The following RFX4 variants were observed in gnomAD, a reference collection of about 807,000 sequenced individuals.
RFX4 encodes the protein transcription factor RFX4.
Under a neutral mutation model 95.0 loss-of-function variants are expected in RFX4, and 10 were observed. That is an observed-to-expected ratio of 0.11 (90% confidence interval 0.06 to 0.18). The LOEUF (loss-of-function observed/expected upper bound fraction) is 0.18. Ranked by LOEUF, RFX4 falls within the 10% of genes least tolerant of loss-of-function variation. The pLI is 1.00. For missense variants in RFX4, 640 were observed against 922.0 expected, an observed-to-expected ratio of 0.69 and a Z score of 3.96; for synonymous variants, 321 against 340.7, an observed-to-expected ratio of 0.94 and a Z score of 0.64.
chr12:106,676,973 G>A (rs1001468817), intron 4 of RFX4, among the ~76,000 whole-genome samples: 1 of 152,176 alleles, frequency 6.6e-6, no homozygotes, highest in Admixed American at 6.5e-5. Context: ...CATTCAAATC[G>A]CAGGTCTGCA....
chr12:106,680,066 G>T (rs1455098644), intron 4 of RFX4, among the ~76,000 whole-genome samples: 1 of 152,196 alleles, frequency 6.6e-6, no homozygotes, highest in East Asian at 1.9e-4. Context: ...AGAATTCAGA[G>T]AATTGTTGCA....
At chr12:106,739,381 T>A (rs747074899) in intron 15 of RFX4, among the ~76,000 whole-genome samples, 1 of 152,168 alleles carries the variant, frequency 6.6e-6, no homozygotes, top group Non-Finnish European at 1.5e-5. Flanking sequence ...TTCTCCATTT[T>A]TCAGCTGTGA....
At chr12:106,685,206 T>G (rs909487363) in intron 5 of RFX4, among the ~76,000 whole-genome samples, 22 of 149,648 alleles carry the variant, frequency 1.5e-4, no homozygotes, top group African/African-American at 5.2e-4. Context: ...ATTTTAATGG[T>G]TTTTTTTCTT....
intron 13 of RFX4, among the ~76,000 whole-genome samples, chr12:106,729,645 T>C (rs2042572897): frequency 6.6e-6 from 1 of 152,204 alleles, no homozygotes; most frequent in African/African-American, 2.4e-5. Flanking sequence ...TCTCACATGG[T>C]TGTGATGAGG....
At chr12:106,696,569 G>T (rs930381702) in intron 8 of RFX4, 123 bp downstream of exon 8, 1 of 936,746 alleles carries the variant, frequency 1.1e-6, no homozygotes, top group Non-Finnish European at 1.5e-6. Context: ...CATTAATATT[G>T]AACTTTTAAA....
intron 1 of RFX4, among the ~76,000 whole-genome samples, chr12:106,596,222 C>T (rs2039616645): frequency 6.6e-6 from 1 of 152,172 alleles, no homozygotes; most frequent in Non-Finnish European, 1.5e-5. Context: ...GCAGGTCTTT[C>T]CTGTGCTGTT....
chr12:106,676,320 T>G (rs1372309097), intron 4 of RFX4, among the ~76,000 whole-genome samples: 2 of 152,116 alleles, frequency 1.3e-5, no homozygotes, highest in Non-Finnish European at 2.9e-5. Context: ...CAGGGAATAG[T>G]GCAACACCAA....
At chr12:106,735,014 A>G (rs1186500152) in intron 15 of RFX4, among the ~76,000 whole-genome samples, 1 of 150,768 alleles carries the variant, frequency 6.6e-6, no homozygotes, top group Non-Finnish European at 1.5e-5. Flanking sequence ...TGATCAGACC[A>G]CTGCACTCCA....
Position 106,685,077 on chromosome 12 carries a change from GT to G in RFX4, c.378-1804del, listed in dbSNP as rs2137411286. Reference sequence around the variant, plus strand: ...AAAAGTAGTTAATATGTTGTGCGGTGTTTCTGAAAGCGAGGTCCACGGATGA... The same window carrying G: ...AAAAGTAGTTAATATGTTGTGCGGTGTTCTGAAAGCGAGGTCCACGGATGA... On this transcript the variant is annotated intron_variant, in intron 5 of 17. Coordinates refer to ENST00000392842, the MANE Select transcript of RFX4 (RefSeq NM_213594.3). Among the ~76,000 whole-genome samples the G allele has an allele frequency of 1.3e-5, 2 of 151,790 alleles. 1 individual carries two copies. Among genetic ancestry groups the G allele is most frequent in the South Asian group, 4.2e-4 (2 of 4,730 alleles).
intron 8 of RFX4, among the ~76,000 whole-genome samples, chr12:106,707,340 G>A (rs2042105474): frequency 6.6e-6 from 1 of 152,150 alleles, no homozygotes; most frequent in Non-Finnish European, 1.5e-5. Context: ...AATCTGCACA[G>A]ATGGGAATTT....
Position 106,662,465 on chromosome 12 carries a change from T to C in RFX4, c.315+8114T>C, listed in dbSNP as rs1163860073. 2.0e-5 allele frequency among the ~76,000 whole-genome samples: 3 copies of C among 152,198 alleles called. No homozygotes were observed. The East Asian group carries it at 5.8e-4, about 29-fold the overall frequency. On this transcript the variant is annotated intron_variant, in intron 4 of 17. Coordinates refer to ENST00000392842, the MANE Select transcript of RFX4 (RefSeq NM_213594.3). ...ATTTGTATCTTTTGAGCAACAATCC[T>C]TTATTAGATGTGTCTCTTGCAAATA...
Position 106,720,687 on chromosome 12 carries a change from T to G in RFX4, c.1234-72T>G. On this transcript the variant is annotated intron_variant, in intron 12 of 17. Transcript: ENST00000392842. This position sits in a 1 kb window ranked among gnomAD's most constrained non-coding sequence, Gnocchi z 4.2. ...CAGGCGTGAGCCACTTCAACCGGCC[T>G]CATTTTTCAAAGAGACAGTAATAAA... 6.8e-7 allele frequency: 1 copy of G among 1,467,850 alleles called. No individual in the cohort carries two copies. The highest frequency in any genetic ancestry group is 9.5e-7 in the Non-Finnish European group (1 of 1,048,128). 90.9% of individuals were successfully genotyped at this position (1,467,850 alleles called of 1,614,324 possible). A position where few individuals can be genotyped will look rare whatever the true frequency, so the allele number is the denominator to read the frequency against.
At chr12:106,620,908 A>G (rs2040172526) in intron 2 of RFX4, among the ~76,000 whole-genome samples, 1 of 152,122 alleles carries the variant, frequency 6.6e-6, no homozygotes. Context: ...AATTTAGTAT[A>G]TCTTCCCTAC....
At position 106,761,765 on chromosome 12, in the gene RFX4, C is replaced by G. The variant is rs1566012320; in HGVS notation, c.*296C>G. 1 of 159,146 alleles carries G rather than the reference C, an allele frequency of 6.3e-6. No individual in the cohort carries two copies. The highest frequency in any genetic ancestry group is 2.4e-5 in the African/African-American group (1 of 41,664). The allele number at this position is 159,146 out of a possible 1,614,324, so 9.9% of individuals were successfully genotyped here. On this transcript the variant is annotated 3_prime_UTR_variant, in exon 18 of 18. Transcript: ENST00000392842. ...CCATTCTGTGCCTTTTCCCTCTGTT[C>G]CATGACTTTGCTTTGTGTTGGCAAC...
chr12:106,732,176 C>T lies in RFX4; in HGVS notation c.1398C>T (p.Tyr466=), dbSNP rs1347172157. The T allele has an allele frequency of 6.2e-7, 1 of 1,613,946 alleles. No homozygotes were observed. The highest frequency in any genetic ancestry group is 2.2e-5 in the East Asian group (1 of 44,864). Residue 466 remains tyrosine, a synonymous_variant, in exon 14 of 18, where the codon TAC becomes TAT. Coordinates refer to ENST00000392842, the MANE Select transcript of RFX4 (RefSeq NM_213594.3). ...TAATGTTTGATGACTACGTGCTCTA[C>T]CTGTTAGAATCTCTGCACTGTCAGG... The part of the protein sequence containing the change: ...IHLMFDDYVL[Y]LLESLHCQER...
chr12:106,720,748 C>G lies in RFX4; in HGVS notation c.1234-11C>G. On this transcript the variant is annotated splice_polypyrimidine_tract_variant and intron_variant, in intron 12 of 17. Coordinates refer to ENST00000392842, the MANE Select transcript of RFX4 (RefSeq NM_213594.3). This position sits in a 1 kb window ranked among gnomAD's most constrained non-coding sequence, Gnocchi z 4.2. ...AGTCGACCACTATTAAAGCCATTTA[C>G]TTTCTTGTAGGTGGCTGCCAAGAGA... The G allele has an allele frequency of 6.2e-7, 1 of 1,613,172 alleles. No homozygotes were observed. The highest frequency in any genetic ancestry group is 1.3e-5 in the African/African-American group (1 of 75,002).
At chr12:106,753,349 T>C (rs571551501) in intron 17 of RFX4, among the ~76,000 whole-genome samples, 3 of 152,272 alleles carry the variant, frequency 2.0e-5, no homozygotes, top group Non-Finnish European at 4.4e-5. Flanking sequence ...ATGGCAATCA[T>C]ATTGCCGTCT....
At chr12:106,607,717 A>G (rs961322946) in intron 1 of RFX4, among the ~76,000 whole-genome samples, 1 of 152,190 alleles carries the variant, frequency 6.6e-6, no homozygotes, top group Non-Finnish European at 1.5e-5. Context: ...TTCTCAGGAC[A>G]AGTGTTATAG....
intron 1 of RFX4, 62 bp downstream of exon 1, chr12:106,583,425 A>T (rs2039402854): frequency 6.8e-7 from 1 of 1,463,718 alleles, no homozygotes; most frequent in Non-Finnish European, 9.1e-7. Flanking sequence ...GAGAGGGGGA[A>T]CTTTAGAAAG....
Sources: gnomAD v4.1 joint callset for allele counts (sites outside exome capture counted in the v4.1 genomes callset) on GRCh38, gnomAD v4.1.1 for gene constraint, Gnocchi (gnomAD v3.1) non-coding constraint, MANE v1.5 for transcripts, NCBI Gene and HGNC (gene_info 2026-07-23, HGNC 2026-07-21) for gene names.